The following NPHP4 variants were observed in gnomAD, a reference collection of about 807,000 sequenced individuals.
The protein encoded by NPHP4 is nephrocystin-4.
NPHP4 carries 151 observed loss-of-function variants against 155.8 expected under a neutral mutation model. The ratio of observed to expected loss-of-function variants is 0.97; its 90% CI spans 0.85 to 1.11. The LOEUF is 1.11. NPHP4 is among the 50% of genes least tolerant of loss of function. The pLI is 0.00. For missense variants in NPHP4, 1,956 were observed against 1,925.7 expected (o/e 1.02, Z -0.29); for synonymous variants, 845 against 816.8 (o/e 1.03, Z -0.59).
Position 5,909,255 on chromosome 1 carries a change from C to T in NPHP4, c.1442-42G>A, listed in dbSNP as rs1246334576. The T allele has an allele frequency of 2.0e-6, 3 of 1,533,912 alleles. No individual in the cohort carries two copies. The South Asian group carries it at 3.5e-5, about 18-fold the overall frequency. On this transcript the variant is annotated intron_variant, in intron 11 of 29. Transcript: ENST00000378156. ...TGGGGTAGGAGAGGGAATGTGTCAG[C>T]CTGTGTTGGGGGCAGTGGGCCCCTG...
intron 3 of NPHP4, among the ~76,000 whole-genome samples, chr1:5,970,601 C>G (rs1652382091): frequency 1.3e-5 from 2 of 152,130 alleles, no homozygotes; most frequent in Non-Finnish European, 2.9e-5. Context: ...CCCCAGGCAT[C>G]AGGAGTGGTG....
intron 11 of NPHP4, among the ~76,000 whole-genome samples, chr1:5,915,668 C>T (rs1645434249): frequency 6.6e-6 from 1 of 152,134 alleles, no homozygotes; most frequent in Admixed American, 6.5e-5. Context: ...CAGGCCCAAG[C>T]CGAGTGGGGA....
At chr1:5,980,792 G>A (rs1654552391) in intron 2 of NPHP4, among the ~76,000 whole-genome samples, 1 of 151,932 alleles carries the variant, frequency 6.6e-6, no homozygotes, top group Non-Finnish European at 1.5e-5. Context: ...TATCCATGAG[G>A]ACAGGGAAGG....
chr1:5,949,331 C>T (rs920306432), intron 7 of NPHP4, among the ~76,000 whole-genome samples: 14 of 136,768 alleles, frequency 1.0e-4, no homozygotes, highest in African/African-American at 4.0e-4. Context: ...AAGTCCAGCT[C>T]ATTCACATAC....
Position 5,910,278 on chromosome 1 carries a change from C to A in NPHP4, c.1442-1065G>T, listed in dbSNP as rs1436975188. Among the ~76,000 whole-genome samples, 5 of 152,154 alleles carry A rather than the reference C, an allele frequency of 3.3e-5. No individual in the cohort carries two copies. Among genetic ancestry groups the A allele is most frequent in the Non-Finnish European group, 5.9e-5 (4 of 68,030 alleles). On this transcript the variant is annotated intron_variant, in intron 11 of 29. Coordinates refer to ENST00000378156, the MANE Select transcript of NPHP4 (RefSeq NM_015102.5). This position sits in a 1 kb window ranked among gnomAD's most constrained non-coding sequence, Gnocchi z 5.4. ...GCCCAGTCTCCAGCCCATGTCCTGTCCCCACCTGGCTCATGACAGCCTCCT... is the reference window on the plus strand; with the variant it reads ...GCCCAGTCTCCAGCCCATGTCCTGTACCCACCTGGCTCATGACAGCCTCCT...
chr1:5,864,870 G>A (rs1008867195), intron 27 of NPHP4: 6 of 563,348 alleles, frequency 1.1e-5, no homozygotes, highest in South Asian at 2.4e-5. Context: ...TGTTCACCTT[G>A]CCAGGAATTC....
At chr1:5,933,412 T>C in intron 9 of NPHP4, 83 bp from the exon 10 acceptor site, 1 of 1,165,638 alleles carries the variant, frequency 8.6e-7, no homozygotes, top group Non-Finnish European at 1.3e-6. Flanking sequence ...CTTTCATGTG[T>C]AAAATTCAAC....
intron 17 of NPHP4, chr1:5,888,482 G>T (rs1266326728): frequency 1.6e-6 from 2 of 1,248,616 alleles, no homozygotes; most frequent in African/African-American, 3.2e-5. Flanking sequence ...TTGTGGGTCT[G>T]GGGGCTTCCG....
chr1:5,967,626 A>G (rs149841419), intron 4 of NPHP4, among the ~76,000 whole-genome samples: 67 of 152,318 alleles, frequency 4.4e-4, no homozygotes, highest in Non-Finnish European at 4.0e-4. Flanking sequence ...CACCATGGAA[A>G]TTTACAAAAC....
rs1190010207 is a variant in NPHP4, at chr1:5,986,318, C to T, written c.-29G>A. 3 of 1,612,202 alleles carry T rather than the reference C, an allele frequency of 1.9e-6. No individual in the cohort carries two copies. The South Asian group carries it at 3.3e-5, about 18-fold the overall frequency. On this transcript the variant is annotated 5_prime_UTR_variant, in exon 2 of 30. Transcript: ENST00000378156. ...GCCCGCCTGAGGGTCCCGTGGGCTTCCCGGATGATCTGTGCCAGTCGTATT... is the reference window on the plus strand; with the variant it reads ...GCCCGCCTGAGGGTCCCGTGGGCTTTCCGGATGATCTGTGCCAGTCGTATT...
chr1:5,914,786 G>A (rs1052958287), intron 11 of NPHP4, among the ~76,000 whole-genome samples: 2 of 152,196 alleles, frequency 1.3e-5, no homozygotes, highest in African/African-American at 4.8e-5. Context: ...AAGGGAGCAG[G>A]GGCCTCTCAA....
chr1:5,927,566 C>G (rs1483095637), intron 11 of NPHP4, 83 bp downstream of exon 11: 28 of 1,418,016 alleles, frequency 2.0e-5, no homozygotes, highest in Admixed American at 6.0e-5. Context: ...GATTACCGTA[C>G]TAGACTAAGT....
intron 1 of NPHP4, chr1:5,991,634 GGGCCGGGTC>G (rs1254545307): frequency 2.0e-5 from 3 of 152,266 alleles, no homozygotes; most frequent in African/African-American, 7.2e-5. Flanking sequence ...GGCGCCTTCC[GGGCCGGGTC>G]GGCCGGGAGG....
chr1:5,873,621 C>G (rs1642236911), intron 22 of NPHP4: 1 of 520,888 alleles, frequency 1.9e-6, no homozygotes. Context: ...GCCAGCATGG[C>G]ATCCTGTGAG....
chr1:5,920,549 G>A lies in NPHP4; in HGVS notation c.1441+7100C>T, dbSNP rs565664568. Among the ~76,000 whole-genome samples the A allele has an allele frequency of 2.6e-5, 4 of 152,272 alleles. No individual in the cohort carries two copies. In the South Asian group the frequency reaches 6.2e-4, roughly 24 times the overall value. ...ACAATGGCAGTGGCATGGGGACAAC[G>A]TTAATGATCGCCCGACAATCGCTGG... On this transcript the variant is annotated intron_variant, in intron 11 of 29. Coordinates refer to ENST00000378156, the MANE Select transcript of NPHP4 (RefSeq NM_015102.5).
intron 3 of NPHP4, among the ~76,000 whole-genome samples, chr1:5,977,430 G>A (rs115941277): frequency 0.015 from 2,264 of 152,018 alleles, 57 homozygotes; most frequent in African/African-American, 0.052. Context: ...GGCCTCCCTC[G>A]TCACCCACCT....
chr1:5,871,131 G>A (rs916074438), intron 23 of NPHP4, among the ~76,000 whole-genome samples: 6 of 152,222 alleles, frequency 3.9e-5, no homozygotes, highest in Admixed American at 2.6e-4. Flanking sequence ...CAAACAGAGA[G>A]TGGCGAGGCA....
chr1:5,909,081 G>A (rs1645050058), intron 12 of NPHP4, 71 bp downstream of exon 12: 5 of 1,268,110 alleles, frequency 3.9e-6, no homozygotes, highest in South Asian at 1.3e-5. Context: ...TGCTTAAGGG[G>A]GGACAGAGGG....
Position 5,891,046 on chromosome 1 carries a change from A to G in NPHP4, c.2144-18T>C, listed in dbSNP as rs2100923352. The G allele has an allele frequency of 6.7e-7, 1 of 1,488,298 alleles. No individual in the cohort carries two copies. Among genetic ancestry groups the G allele is most frequent in the Non-Finnish European group, 9.0e-7 (1 of 1,106,838 alleles). 92.2% of individuals were successfully genotyped at this position (1,488,298 alleles called of 1,614,324 possible). A position where few individuals can be genotyped will look rare whatever the true frequency, so the allele number is the denominator to read the frequency against. ...AGGAGACCCTGTCAAAGAGGCACCAAAGGAGGCCAAAAGTAATTGGAGTCA... is the reference window on the plus strand; with the variant it reads ...AGGAGACCCTGTCAAAGAGGCACCAGAGGAGGCCAAAAGTAATTGGAGTCA... On this transcript the variant is annotated intron_variant, in intron 16 of 29. Transcript: ENST00000378156.
Sources: allele counts gnomAD v4.1 joint callset (sites outside exome capture counted in the v4.1 genomes callset), GRCh38; gene constraint gnomAD v4.1.1; non-coding constraint Gnocchi (gnomAD v3.1); transcripts MANE v1.5; gene names NCBI Gene and HGNC (gene_info 2026-07-23, HGNC 2026-07-21).